Variants in SH3TC2 observed in about 807,000 individuals in gnomAD.
The protein encoded by SH3TC2 is SH3 domain and tetratricopeptide repeats 2.
In SH3TC2, 87 loss-of-function variants were observed where a neutral mutation model predicts 124.5. The ratio of observed to expected loss-of-function variants is 0.70; its 90% confidence interval spans 0.59 to 0.84. The LOEUF (loss-of-function observed/expected upper bound fraction) is 0.84, where lower values mean the gene tolerates loss of function less well. Ranked by LOEUF, SH3TC2 falls within the 40% of genes least tolerant of loss-of-function variation. SH3TC2 has a pLI of 0.00. For missense variants in SH3TC2, 1,536 were observed against 1,566.4 expected (o/e 0.98, Z 0.33); for synonymous variants, 634 against 628.5 (o/e 1.01, Z -0.13).
intron 4 of SH3TC2, chr5:149,044,308 T>A (rs1234539653): frequency 2.0e-6 from 1 of 491,004 alleles, no homozygotes; most frequent in Non-Finnish European, 3.7e-6. Context: ...AAGATCTCCC[T>A]GGACACAAAA....
intron 5 of SH3TC2, among the ~76,000 whole-genome samples, chr5:149,042,476 T>A (rs932934200): frequency 6.6e-6 from 1 of 152,198 alleles, no homozygotes. Context: ...CTCCAAGCAG[T>A]TCTAACATCA....
intron 15 of SH3TC2, 79 bp from the exon 16 acceptor site, chr5:149,007,156 T>G (rs754642616): frequency 2.2e-6 from 3 of 1,385,452 alleles, no homozygotes; most frequent in Non-Finnish European, 3.1e-6. Context: ...TCCATAAAAC[T>G]TTTTGAAGGT....
intron 12 of SH3TC2, chr5:149,026,282 T>A: frequency 2.2e-6 from 1 of 446,446 alleles, no homozygotes; most frequent in Non-Finnish European, 4.1e-6. Context: ...GTTATGAGTG[T>A]TTTATGAGCA....
rs968203457 is a variant in SH3TC2 at position 148,989,680 on chromosome 5, A to G, written c.*15031T>C. On this transcript the variant is annotated 3_prime_UTR_variant, in exon 17 of 17. Transcript: ENST00000515425. ...GCACTGATAATAAAACAGTCTGATA[A>G]AATCTTATGCCATTCTTCCAGAACA... Among the ~76,000 whole-genome samples the G allele has an allele frequency of 1.3e-5, 2 of 152,218 alleles. No individual in the cohort carries two copies. The highest frequency in any genetic ancestry group is 1.3e-4 in the Admixed American group (2 of 15,280).
intron 4 of SH3TC2, among the ~76,000 whole-genome samples, chr5:149,043,326 C>A (rs886464372): frequency 6.6e-5 from 10 of 152,132 alleles, no homozygotes; most frequent in African/African-American, 2.4e-4. Flanking sequence ...TCTGACCCTG[C>A]CCCTCCTCCA....
At chr5:149,021,805 T>G (rs1448420725) in intron 12 of SH3TC2, among the ~76,000 whole-genome samples, 2 of 148,190 alleles carry the variant, frequency 1.3e-5, no homozygotes, top group Non-Finnish European at 3.0e-5. Context: ...CAAAGGTAAG[T>G]CAAGATTTAG....
At chr5:149,020,332 A>G (rs1330128200) in intron 12 of SH3TC2, among the ~76,000 whole-genome samples, 1 of 152,250 alleles carries the variant, frequency 6.6e-6, no homozygotes, top group Non-Finnish European at 1.5e-5. Flanking sequence ...AAAGAAATAC[A>G]GGACAAGAAA....
At chr5:149,015,004 A>G (rs1479835131) in intron 12 of SH3TC2, among the ~76,000 whole-genome samples, 1 of 152,140 alleles carries the variant, frequency 6.6e-6, no homozygotes, top group East Asian at 1.9e-4. Context: ...CCAGACCTTC[A>G]GGGAACAAGA....
chr5:148,997,172 A>G lies in SH3TC2; in HGVS notation c.*7539T>C, dbSNP rs1282872303. Among the ~76,000 whole-genome samples, 2 of 152,096 alleles carry G rather than the reference A, an allele frequency of 1.3e-5. No homozygotes were observed. The highest frequency in any genetic ancestry group is 3.9e-4 in the East Asian group (2 of 5,184). On this transcript the variant is annotated 3_prime_UTR_variant, in exon 17 of 17. Coordinates refer to ENST00000515425, the MANE Select transcript of SH3TC2 (RefSeq NM_024577.4). ...TGTTCATGATCTTCCTTCTGCTACCACCATTGGAGCTACGGGTACTATGAT... is the reference window on the plus strand; with the variant it reads ...TGTTCATGATCTTCCTTCTGCTACCGCCATTGGAGCTACGGGTACTATGAT...
Position 148,993,412 on chromosome 5 carries a change from G to C in SH3TC2, c.*11299C>G, listed in dbSNP as rs547464453. On this transcript the variant is annotated 3_prime_UTR_variant, in exon 17 of 17. Transcript: ENST00000515425. The stretch of plus-strand genomic sequence containing the variant: ...TCCATAAAATGATTTTGATAAAATA[G>C]AAGATGGAAAAAGGTAGAAATTGTT... Among the ~76,000 whole-genome samples, 55 of 152,124 alleles carry C rather than the reference G, an allele frequency of 3.6e-4. No homozygotes were observed. The highest frequency in any genetic ancestry group is 7.4e-4 in the Non-Finnish European group (50 of 68,008).
At chr5:149,017,445 A>T (rs1753894697) in intron 12 of SH3TC2, among the ~76,000 whole-genome samples, 1 of 152,156 alleles carries the variant, frequency 6.6e-6, no homozygotes, top group Non-Finnish European at 1.5e-5. Context: ...ATATTAGACA[A>T]AGGGACAGAA....
chr5:149,032,175 G>T (rs990936085), intron 8 of SH3TC2, among the ~76,000 whole-genome samples: 2 of 152,182 alleles, frequency 1.3e-5, no homozygotes, highest in Non-Finnish European at 2.9e-5. Flanking sequence ...TCTGACCATG[G>T]TCAGAGGAAT....
At chr5:149,014,334 G>A (rs989799806) in intron 12 of SH3TC2, among the ~76,000 whole-genome samples, 1 of 152,202 alleles carries the variant, frequency 6.6e-6, no homozygotes, top group Non-Finnish European at 1.5e-5. Flanking sequence ...AACCACTGCA[G>A]TAAACCATGC....
rs1202911034 is a variant in SH3TC2 at position 148,986,593 on chromosome 5, T to G, written c.*18118A>C. On this transcript the variant is annotated 3_prime_UTR_variant, in exon 17 of 17. Transcript: ENST00000515425. ...CAGTAAGTTCTTAATAAATGCTTGT[T>G]GAATTATCATTTTAAAAGTGAACTT... Among the ~76,000 whole-genome samples the G allele has an allele frequency of 6.6e-6, 1 of 152,262 alleles. No individual in the cohort carries two copies. Among genetic ancestry groups the G allele is most frequent in the Admixed American group, 6.5e-5 (1 of 15,288 alleles).
At chr5:149,032,765 T>C (rs1319887830) in intron 8 of SH3TC2, among the ~76,000 whole-genome samples, 3 of 152,002 alleles carry the variant, frequency 2.0e-5, no homozygotes, top group African/African-American at 7.2e-5. Context: ...GGGATGGGGG[T>C]ACTGTAATCA....
intron 14 of SH3TC2, 47 bp from the exon 15 acceptor site, chr5:149,009,048 G>A (rs770812344): frequency 6.2e-7 from 1 of 1,612,376 alleles, no homozygotes. Context: ...GGAATCCTCA[G>A]TGCATACCAT....
At chr5:149,037,669 C>CA (rs1183402277) in intron 8 of SH3TC2, among the ~76,000 whole-genome samples, 2 of 152,148 alleles carry the variant, frequency 1.3e-5, no homozygotes, top group African/African-American at 4.8e-5. Flanking sequence ...AAGCCCACTC[C>CA]AAAAAGATGG....
chr5:149,041,309 C>G, intron 6 of SH3TC2, 107 bp downstream of exon 6: 4 of 1,184,012 alleles, frequency 3.4e-6, no homozygotes, highest in Non-Finnish European at 4.9e-6. Flanking sequence ...AGAATCTGTT[C>G]TCTCCTCCAC....
In SH3TC2 at chr5:148,985,858, T is replaced by C. The variant is rs1186770103; in HGVS notation, c.*18853A>G. On this transcript the variant is annotated 3_prime_UTR_variant, in exon 17 of 17. Coordinates refer to ENST00000515425, the MANE Select transcript of SH3TC2 (RefSeq NM_024577.4). ...CTTTTATTTTTCAATGTGTGGAATG[T>C]CATTTTTATATAGATTTGGCCCACT... 1.3e-5 allele frequency among the ~76,000 whole-genome samples: 2 copies of C among 152,196 alleles called. No individual in the cohort carries two copies. The highest frequency in any genetic ancestry group is 4.8e-5 in the African/African-American group (2 of 41,448).
Sources: allele counts gnomAD v4.1 joint callset (sites outside exome capture counted in the v4.1 genomes callset), GRCh38; gene constraint gnomAD v4.1.1; transcripts MANE v1.5; gene names NCBI Gene and HGNC (gene_info 2026-07-23, HGNC 2026-07-21).